Variants in RARS2 observed in about 807,000 individuals in gnomAD.
The protein encoded by RARS2 is arginyl-tRNA synthetase 2, mitochondrial.
A neutral mutation model predicts 88.5 loss-of-function variants in RARS2; 67 were observed. That is an observed-to-expected ratio of 0.76 (90% CI 0.62 to 0.93). The LOEUF is 0.93. RARS2 is among the 40% of genes least tolerant of loss of function. The pLI is 0.00. For synonymous variants in RARS2, 239 were observed against 230.3 expected, an observed-to-expected ratio of 1.04 and a Z score of -0.34; for missense variants, 664 against 684.2, an observed-to-expected ratio of 0.97 and a Z score of 0.33.
At position 87,571,792 on chromosome 6, in the gene RARS2, C is replaced by T. The variant is rs145972889; in HGVS notation, c.37-2202G>A. 1.2e-3 allele frequency among the ~76,000 whole-genome samples: 183 copies of T among 152,304 alleles called. 2 individuals are homozygous for T. Among genetic ancestry groups the T allele is most frequent in the African/African-American group, 4.1e-3 (172 of 41,552 alleles). The stretch of plus-strand genomic sequence containing the variant: ...TTCACAAACATATTAACCGTAAAAA[C>T]TTGCCCAAACTTGCAGACCTGGAGA... On this transcript the variant is annotated intron_variant, in intron 1 of 19. Transcript: ENST00000369536.
intron 1 of RARS2, among the ~76,000 whole-genome samples, chr6:87,577,696 T>C (rs6940675): frequency 0.074 from 11,231 of 152,212 alleles, 596 homozygotes; most frequent in African/African-American, 0.15. Context: ...AAACAGACTA[T>C]AAATGTTATA....
At chr6:87,588,192 C>T (rs1489792550) in intron 1 of RARS2, among the ~76,000 whole-genome samples, 1 of 152,158 alleles carries the variant, frequency 6.6e-6, no homozygotes, top group Non-Finnish European at 1.5e-5. Context: ...TTACACACAG[C>T]TTAGATACTA....
At chr6:87,552,949 G>GT (rs779392223) in intron 5 of RARS2, among the ~76,000 whole-genome samples, 1 of 152,180 alleles carries the variant, frequency 6.6e-6, no homozygotes, top group Non-Finnish European at 1.5e-5. Context: ...TGCCTCCCCA[G>GT]TGAAGAAAGC....
rs750319167 is a variant in RARS2, at chr6:87,530,839, G to C, written c.716C>G (p.Ser239Ter). The change falls in exon 9 of 20, where the codon TCA becomes TGA. Residue 239 changes from serine to a stop codon, truncating the protein, a stop_gained. Coordinates refer to ENST00000369536, the MANE Select transcript of RARS2 (RefSeq NM_020320.5). LOFTEE classifies it high-confidence loss of function. ...CAAGTCCCGAAATTTTTGCCACAGT[G>C]AAAGTGCTTGCACATCGCCCAGTTC... is the stretch of plus-strand genomic sequence containing the variant. ...RLELGDVQAL[S>*]LWQKFRDLSI... The C allele has an allele frequency of 3.1e-6, 5 of 1,614,170 alleles. No individual in the cohort carries two copies. Among genetic ancestry groups the C allele is most frequent in the Admixed American group, 1.7e-5 (1 of 60,030 alleles).
chr6:87,527,108 A>C (rs1776012088), intron 10 of RARS2, among the ~76,000 whole-genome samples: 1 of 152,046 alleles, frequency 6.6e-6, no homozygotes. Flanking sequence ...CAGGAGATTG[A>C]GATCATCCTG....
chr6:87,536,854 T>A (rs143754402), intron 8 of RARS2, among the ~76,000 whole-genome samples: 194 of 152,054 alleles, frequency 1.3e-3, no homozygotes, highest in African/African-American at 4.0e-3. Flanking sequence ...AAAACCAAAT[T>A]AGAATAATTA....
chr6:87,551,622 T>TCAA (rs1376825629), intron 5 of RARS2, among the ~76,000 whole-genome samples: 7 of 24,538 alleles, frequency 2.9e-4, no homozygotes, highest in East Asian at 1.1e-3. Context: ...AGACTCCGTC[T>TCAA]CAACAAAAAA....
At chr6:87,568,563 T>C (rs538164660) in intron 2 of RARS2, among the ~76,000 whole-genome samples, 1 of 152,296 alleles carries the variant, frequency 6.6e-6, no homozygotes, top group Admixed American at 6.5e-5. Flanking sequence ...TTATAGATTT[T>C]ACGAAATAGG....
chr6:87,567,981 C>T (rs537892928), intron 2 of RARS2, among the ~76,000 whole-genome samples: 2 of 152,274 alleles, frequency 1.3e-5, no homozygotes, highest in African/African-American at 4.8e-5. Context: ...CCATGTTAGC[C>T]AGGATGGTCT....
chr6:87,531,439 A>T (rs1023250414), intron 8 of RARS2, among the ~76,000 whole-genome samples: 3 of 152,240 alleles, frequency 2.0e-5, no homozygotes, highest in Non-Finnish European at 2.9e-5. Flanking sequence ...GCAAAGAAAC[A>T]GCTAACGGAT....
At chr6:87,519,470 G>T in intron 14 of RARS2, 113 bp downstream of exon 14, 1 of 1,227,712 alleles carries the variant, frequency 8.1e-7, no homozygotes, top group Non-Finnish European at 1.2e-6. Flanking sequence ...TTTTGACAAA[G>T]TTAGTGACAC....
chr6:87,532,695 C>T (rs1488449443), intron 8 of RARS2, among the ~76,000 whole-genome samples: 1 of 152,122 alleles, frequency 6.6e-6, no homozygotes, highest in Admixed American at 6.6e-5. Context: ...AAATCATAGC[C>T]ACAAGTAAGA....
intron 8 of RARS2, among the ~76,000 whole-genome samples, chr6:87,536,162 CA>C (rs56704136): frequency 0.61 from 92,123 of 151,072 alleles, 28,767 homozygotes; most frequent in African/African-American, 0.75. Flanking sequence ...CCTTCTATAG[CA>C]AAAAAAAAGG....
chr6:87,564,397 T>C (rs926328381), intron 2 of RARS2, 165 bp from the exon 3 acceptor site: 3 of 626,352 alleles, frequency 4.8e-6, no homozygotes, highest in Middle Eastern at 4.3e-4. Flanking sequence ...CGGTGGCTCA[T>C]GCCTGTAATC....
chr6:87,556,744 A>G (rs2128149765), intron 4 of RARS2, among the ~76,000 whole-genome samples: 1 of 145,146 alleles, frequency 6.9e-6, no homozygotes, highest in South Asian at 2.2e-4. Flanking sequence ...GTAAGCCGAG[A>G]TCGCGCCACT....
At chr6:87,560,154 T>A (rs751332853) in intron 4 of RARS2, among the ~76,000 whole-genome samples, 3 of 152,228 alleles carry the variant, frequency 2.0e-5, no homozygotes, top group Non-Finnish European at 4.4e-5. Flanking sequence ...CCTAATTATC[T>A]TTTTACATAG....
rs541352251 is a variant in RARS2, at chr6:87,529,587, T to C, written c.833A>G (p.Glu278Gly). ...GESFYREKSQ[E>G]VLKLLESKGL... is the part of the protein sequence containing the mutation. ...TTTACTCTCCAGCAACTTTAAGACC[T>C]CTTGAGATTTTTCACGATAAAATGA... The change falls in exon 10 of 20, where the codon GAG becomes GGG. Residue 278 changes from glutamate to glycine, a missense_variant. Coordinates refer to ENST00000369536, the MANE Select transcript of RARS2 (RefSeq NM_020320.5). 1 of 1,609,342 alleles carries C rather than the reference T, an allele frequency of 6.2e-7. No homozygotes were observed. Among genetic ancestry groups the C allele is most frequent in the South Asian group, 1.1e-5 (1 of 90,968 alleles).
At chr6:87,517,725 T>C (rs1253439647) in intron 17 of RARS2, among the ~76,000 whole-genome samples, 2 of 152,170 alleles carry the variant, frequency 1.3e-5, no homozygotes, top group Non-Finnish European at 2.9e-5. Context: ...TTGCCTAGCA[T>C]GGGAGCATCA....
chr6:87,554,629 C>A (rs897750368), intron 5 of RARS2, among the ~76,000 whole-genome samples: 1 of 151,984 alleles, frequency 6.6e-6, no homozygotes. Context: ...ACTAATTTTT[C>A]TATTTTTTTT....
Sources: gnomAD v4.1 joint callset for allele counts (sites outside exome capture counted in the v4.1 genomes callset) on GRCh38, gnomAD v4.1.1 for gene constraint, MANE v1.5 for transcripts, NCBI Gene and HGNC (gene_info 2026-07-23, HGNC 2026-07-21) for gene names.